ARAP2: variants seen among roughly 807,000 people sequenced by gnomAD.
ARAP2 encodes the protein arf-GAP with Rho-GAP domain, ANK repeat and PH domain-containing protein 2.
A neutral mutation model predicts 194.5 loss-of-function variants in ARAP2; 148 were observed. The ratio of observed to expected loss-of-function variants is 0.76; its 90% CI spans 0.67 to 0.87. ARAP2 has a LOEUF of 0.87. ARAP2 is among the 40% of genes least tolerant of loss of function. The pLI is 0.00. For missense variants in ARAP2, 2,128 were observed against 1,989.7 expected (o/e 1.07, Z -1.32); for synonymous variants, 695 against 683.5 (o/e 1.02, Z -0.26).
rs1730826616 is a variant in ARAP2, at chr4:36,150,964, TG to T, written c.2832del (p.Thr945ProfsTer19). 1 of 1,612,856 alleles carries T rather than the reference TG, an allele frequency of 6.2e-7. No homozygotes were observed. The highest frequency in any genetic ancestry group is 1.1e-5 in the South Asian group (1 of 90,890). On this transcript the variant is annotated frameshift_variant, in exon 16 of 33. Transcript: ENST00000303965. LOFTEE classifies it high-confidence loss of function. The part of the protein sequence containing the change: ...YENDKSTTPN[G>X]TININEVICL... ...CAGATAACTTCATTGATATTAATGGTGCCATTAGGTGTGGTAGACTTATCAT... is the reference window on the plus strand; with the variant it reads ...CAGATAACTTCATTGATATTAATGGTCCATTAGGTGTGGTAGACTTATCAT...
intron 3 of ARAP2, chr4:36,047,388 T>G (rs975239164): frequency 6.6e-6 from 1 of 152,222 alleles, no homozygotes; most frequent in Non-Finnish European, 1.5e-5. Context: ...AGTGGCCATA[T>G]AAGCTAACTG....
chr4:36,200,719 A>G (rs759564465), intron 6 of ARAP2, among the ~76,000 whole-genome samples: 1 of 152,250 alleles, frequency 6.6e-6, no homozygotes, highest in African/African-American at 2.4e-5. Flanking sequence ...CTAAATGTTT[A>G]AGAATTTTCT....
chr4:36,191,821 G>C (rs1741977376), intron 7 of ARAP2, among the ~76,000 whole-genome samples: 1 of 152,138 alleles, frequency 6.6e-6, no homozygotes, highest in Non-Finnish European at 1.5e-5. Context: ...AAATGGGGGT[G>C]AGTTAGATTT....
At chr4:36,075,081 A>G (rs1178186596) in intron 31 of ARAP2, among the ~76,000 whole-genome samples, 1 of 152,144 alleles carries the variant, frequency 6.6e-6, no homozygotes, top group Non-Finnish European at 1.5e-5. Context: ...AGTACCAAAC[A>G]TGGTTAAAAA....
chr4:36,017,797 T>C (rs960650521), intron 6 of ARAP2, among the ~76,000 whole-genome samples: 4 of 151,982 alleles, frequency 2.6e-5, no homozygotes, highest in Admixed American at 6.6e-5. Flanking sequence ...ACTTTGGCTA[T>C]TATGCTGAGG....
intron 9 of ARAP2, among the ~76,000 whole-genome samples, chr4:36,010,713 A>G (rs1294324917): frequency 6.6e-6 from 1 of 152,098 alleles, no homozygotes; most frequent in African/African-American, 2.4e-5. Flanking sequence ...CCTTACATAG[A>G]TTAATGGCCT....
chr4:36,203,003 T>C (rs1381403707), intron 6 of ARAP2, among the ~76,000 whole-genome samples: 1 of 152,172 alleles, frequency 6.6e-6, no homozygotes, highest in Non-Finnish European at 1.5e-5. Flanking sequence ...GAAGTGACTA[T>C]GAAAGTGAGG....
chr4:36,133,414 A>G (rs986431454), intron 19 of ARAP2, 25 bp from the exon 20 acceptor site: 2 of 1,590,602 alleles, frequency 1.3e-6, no homozygotes, highest in South Asian at 1.1e-5. Flanking sequence ...AAGCATTTCA[A>G]ATTATAATTT....
At chr4:36,056,227 G>A (rs1433080049) in intron 2 of ARAP2, among the ~76,000 whole-genome samples, 1 of 152,124 alleles carries the variant, frequency 6.6e-6, no homozygotes, top group African/African-American at 2.4e-5. Context: ...TTGCACTAGG[G>A]CCAGAGCAAA....
chr4:36,111,150 T>A (rs1222333571), intron 26 of ARAP2, among the ~76,000 whole-genome samples: 1 of 151,966 alleles, frequency 6.6e-6, no homozygotes, highest in Non-Finnish European at 1.5e-5. Context: ...ATTTATATAT[T>A]CATTCATTCA....
In ARAP2 at chr4:36,117,115, C is replaced by T. The variant is rs1219334797; in HGVS notation, c.3984G>A (p.Leu1328=). 1.3e-6 allele frequency: 2 copies of T among 1,597,900 alleles called. No homozygotes were observed. Among genetic ancestry groups the T allele is most frequent in the Non-Finnish European group, 1.7e-6 (2 of 1,172,904 alleles). ...TCCTTTCTACATATACTTCAATTAA[C>T]AAATCTCCAGCCTGGGAAACCTAGA... The part of the protein sequence containing the change: ...KDTQVSQAGD[L]LIEVYVERKE... Residue 1328 remains leucine, a synonymous_variant, in exon 25 of 33, where the codon TTG becomes TTA. Transcript: ENST00000303965.
At chr4:36,122,037 A>T (rs747441598) in intron 22 of ARAP2, among the ~76,000 whole-genome samples, 6 of 151,516 alleles carry the variant, frequency 4.0e-5, no homozygotes, top group Middle Eastern at 3.4e-3. Context: ...TAAAGTAATT[A>T]AAAAAAATAA....
At chr4:36,204,029 C>T (rs1178881902) in intron 6 of ARAP2, among the ~76,000 whole-genome samples, 5 of 151,828 alleles carry the variant, frequency 3.3e-5, no homozygotes, top group Non-Finnish European at 4.4e-5. Flanking sequence ...TACAGTATAA[C>T]AACAACAACA....
At position 36,159,413 on chromosome 4, in the gene ARAP2, G is replaced by C; in HGVS notation, c.2535C>G (p.Pro845=). The C allele has an allele frequency of 6.2e-7, 1 of 1,611,934 alleles. No homozygotes were observed. Among genetic ancestry groups the C allele is most frequent in the Non-Finnish European group, 8.5e-7 (1 of 1,178,518 alleles). Residue 845 remains proline, a synonymous_variant, in exon 14 of 33, where the codon CCC becomes CCG. Coordinates refer to ENST00000303965, the MANE Select transcript of ARAP2 (RefSeq NM_015230.4). The part of the protein sequence containing the change: ...GADVMCATGD[P]VHSTPYLLAK... The stretch of plus-strand genomic sequence containing the variant: ...CTAGCAGATAGGGGGTGCTATGCAC[G>C]GGGTCTCCGGTGGCACACATGACAT...
rs763066007 is a variant in ARAP2, at chr4:36,068,237, C to A, written c.4785G>T (p.Lys1595Asn). The A allele has an allele frequency of 1.3e-6, 2 of 1,590,060 alleles. No homozygotes were observed. The highest frequency in any genetic ancestry group is 1.7e-6 in the Non-Finnish European group (2 of 1,169,436). Residue 1595 changes from lysine (K) to asparagine (N), a missense_variant, in exon 33 of 33, where the codon AAG becomes AAT. Transcript: ENST00000303965. ...AELERLRLSE[K>N]CDKESVDSSL... ...TAGAGTCCACGGACTCTTTATCACA[C>A]TTTTCACTGAGCCGCAGCCTTTCAA... is the stretch of plus-strand genomic sequence containing the variant.
intron 9 of ARAP2, among the ~76,000 whole-genome samples, chr4:36,009,911 G>T (rs1356371413): frequency 1.3e-5 from 2 of 150,628 alleles, no homozygotes; most frequent in South Asian, 2.1e-4. Context: ...AATCATCAGT[G>T]GAAAATTTCT....
chr4:36,018,035 A>G (rs1022363989), intron 6 of ARAP2, among the ~76,000 whole-genome samples: 1 of 152,160 alleles, frequency 6.6e-6, no homozygotes, highest in African/African-American at 2.4e-5. Context: ...CTGTACTTTT[A>G]TGACATATGA....
chr4:36,171,782 A>G (rs1038209732), intron 9 of ARAP2, among the ~76,000 whole-genome samples: 1 of 151,766 alleles, frequency 6.6e-6, no homozygotes, highest in African/African-American at 2.4e-5. Flanking sequence ...TTTGAAACCA[A>G]CTGAACATAG....
At chr4:36,161,013 A>G (rs2109779121) in intron 12 of ARAP2, among the ~76,000 whole-genome samples, 1 of 152,316 alleles carries the variant, frequency 6.6e-6, no homozygotes, top group East Asian at 1.9e-4. Flanking sequence ...AAATGGAGAC[A>G]GGACACAGCA....
Sources: gnomAD v4.1 joint callset for allele counts (sites outside exome capture counted in the v4.1 genomes callset) on GRCh38, gnomAD v4.1.1 for gene constraint, MANE v1.5 for transcripts, NCBI Gene and HGNC (gene_info 2026-07-23, HGNC 2026-07-21) for gene names.